Variants in LHFPL3 observed in about 807,000 individuals in gnomAD.
LHFPL3 encodes LHFPL tetraspan subfamily member 3 protein.
A neutral mutation model predicts 19.3 loss-of-function variants in LHFPL3; 5 were observed. The ratio of observed to expected loss-of-function variants is 0.26; its 90% confidence interval spans 0.14 to 0.54. The LOEUF is 0.54. Among genes scored for constraint, LHFPL3 ranks in the 20% least tolerant of loss-of-function variants. LHFPL3 has a pLI of 0.94. For synonymous variants in LHFPL3, 133 were observed against 126.2 expected, an observed-to-expected ratio of 1.05 and a Z score of -0.36; for missense variants, 249 against 307.4, an observed-to-expected ratio of 0.81 and a Z score of 1.42.
chr7:104,528,995 C>G (rs1794242221), intron 1 of LHFPL3, among the ~76,000 whole-genome samples: 1 of 152,150 alleles, frequency 6.6e-6, no homozygotes, highest in African/African-American at 2.4e-5. Flanking sequence ...TCTTCTAGAT[C>G]TCAGTGAAGC....
chr7:104,874,466 C>T (rs1025434379), intron 2 of LHFPL3, among the ~76,000 whole-genome samples: 31 of 149,022 alleles, frequency 2.1e-4, no homozygotes, highest in Non-Finnish European at 4.1e-4. Flanking sequence ...GCAATCTTGG[C>T]TCACTGCAAC....
At chr7:104,844,818 A>T (rs1791282479) in intron 2 of LHFPL3, among the ~76,000 whole-genome samples, 1 of 152,166 alleles carries the variant, frequency 6.6e-6, no homozygotes, top group African/African-American at 2.4e-5. Flanking sequence ...AGCTCATTGC[A>T]ACATTTGCCT....
Position 104,520,420 on chromosome 7 carries a change from T to C in LHFPL3, c.445+191196T>C, listed in dbSNP as rs981738281. ...GGTCTAAAATTCTCTTTTTTTGTTG[T>C]GTCTCTGCCCAGCTTTGGTATCAGG... On this transcript the variant is annotated intron_variant, in intron 1 of 2. Coordinates refer to ENST00000424859, the MANE Select transcript of LHFPL3 (RefSeq NM_199000.3). Among the ~76,000 whole-genome samples the C allele has an allele frequency of 9.5e-5, 14 of 147,222 alleles. No individual in the cohort carries two copies. The East Asian group carries it at 2.3e-3, about 25-fold the overall frequency.
At chr7:104,775,013 C>G (rs1445224317) in intron 2 of LHFPL3, among the ~76,000 whole-genome samples, 1 of 152,182 alleles carries the variant, frequency 6.6e-6, no homozygotes, top group African/African-American at 2.4e-5. Flanking sequence ...TTCAAAGATC[C>G]TGCACCATTG....
chr7:104,464,558 A>C (rs762010974), intron 1 of LHFPL3, among the ~76,000 whole-genome samples: 2 of 152,222 alleles, frequency 1.3e-5, no homozygotes, highest in Non-Finnish European at 2.9e-5. Context: ...TCTGAAATCT[A>C]GGCAGAGATT....
chr7:104,653,111 G>A (rs1199735354), intron 1 of LHFPL3, among the ~76,000 whole-genome samples: 2 of 152,172 alleles, frequency 1.3e-5, no homozygotes, highest in Non-Finnish European at 2.9e-5. Flanking sequence ...GTTGTCCCAG[G>A]GACATGGCCT....
At chr7:104,832,978 C>A (rs1395036071) in intron 2 of LHFPL3, among the ~76,000 whole-genome samples, 3 of 16,574 alleles carry the variant, frequency 1.8e-4, no homozygotes, top group African/African-American at 7.3e-4. Flanking sequence ...ATATATATAT[C>A]CTGGGTTATA....
chr7:104,508,829 T>G (rs1793754054), intron 1 of LHFPL3, among the ~76,000 whole-genome samples: 1 of 115,920 alleles, frequency 8.6e-6, no homozygotes, highest in East Asian at 2.5e-4. Flanking sequence ...AAGAGCTGTG[T>G]TTTTTTTAAA....
intron 1 of LHFPL3, among the ~76,000 whole-genome samples, chr7:104,572,876 A>T (rs1489691841): frequency 3.9e-4 from 60 of 152,240 alleles, no homozygotes; most frequent in Non-Finnish European, 5.9e-5. Flanking sequence ...TGATGCTAAT[A>T]TGTCTTAAAC....
At chr7:104,517,266 A>G (rs1793937760) in intron 1 of LHFPL3, among the ~76,000 whole-genome samples, 1 of 152,148 alleles carries the variant, frequency 6.6e-6, no homozygotes, top group African/African-American at 2.4e-5. Context: ...CTATGCAACA[A>G]ACCTGCACAT....
chr7:104,785,148 AGTGT>A (rs887146027), intron 2 of LHFPL3: 4 of 152,096 alleles, frequency 2.6e-5, no homozygotes, highest in Admixed American at 2.6e-4. Context: ...TTCTTCTAAT[AGTGT>A]GTGTTCCTGT....
chr7:104,815,486 T>C (rs1790545852), intron 2 of LHFPL3, among the ~76,000 whole-genome samples: 1 of 152,228 alleles, frequency 6.6e-6, no homozygotes. Context: ...CTCTTCTGAA[T>C]GTGTGTCTTA....
In LHFPL3 at chr7:104,366,579, C is replaced by T. The variant is rs562797189; in HGVS notation, c.445+37355C>T. Among the ~76,000 whole-genome samples the T allele has an allele frequency of 3.9e-5, 6 of 152,290 alleles. No homozygotes were observed. In the East Asian group the frequency reaches 9.7e-4, roughly 25 times the overall value. On this transcript the variant is annotated intron_variant, in intron 1 of 2. Transcript: ENST00000424859. ...TAGTTTATCTTGCCAAGCACCCCGT[C>T]AAGGGCTTTCCCTTCCTTTCTCTAT...
intron 1 of LHFPL3, among the ~76,000 whole-genome samples, chr7:104,714,920 TATATATACAC>T (rs1793360030): frequency 6.6e-6 from 1 of 152,276 alleles, no homozygotes; most frequent in South Asian, 2.1e-4. Context: ...TCACTCTATA[TATATATACAC>T]ATATATACAT....
At chr7:104,588,084 G>A (rs1167533931) in intron 1 of LHFPL3, among the ~76,000 whole-genome samples, 2 of 152,076 alleles carry the variant, frequency 1.3e-5, no homozygotes, top group African/African-American at 2.4e-5. Context: ...CACTCTGATG[G>A]CACTTTCTTT....
chr7:104,703,993 G>C (rs1302918339), intron 1 of LHFPL3, among the ~76,000 whole-genome samples: 1 of 152,038 alleles, frequency 6.6e-6, no homozygotes, highest in Non-Finnish European at 1.5e-5. Flanking sequence ...TATTTTATTT[G>C]TCTACTCATC....
chr7:104,578,360 G>A (rs971950314), intron 1 of LHFPL3, among the ~76,000 whole-genome samples: 2 of 152,140 alleles, frequency 1.3e-5, no homozygotes, highest in African/African-American at 2.4e-5. Flanking sequence ...TTCCCATCAG[G>A]ATAAACAGAT....
intron 1 of LHFPL3, among the ~76,000 whole-genome samples, chr7:104,382,029 A>G (rs1790838979): frequency 6.6e-6 from 1 of 152,008 alleles, no homozygotes; most frequent in South Asian, 2.1e-4. Flanking sequence ...TGCCCTTAAC[A>G]CTCCATTTTG....
intron 1 of LHFPL3, among the ~76,000 whole-genome samples, chr7:104,385,841 A>T (rs1790930857): frequency 6.6e-6 from 1 of 152,168 alleles, no homozygotes; most frequent in African/African-American, 2.4e-5. Flanking sequence ...ATGTTTTTAA[A>T]TACTTATTTT....
Sources: gnomAD v4.1 joint callset for allele counts (sites outside exome capture counted in the v4.1 genomes callset) on GRCh38, gnomAD v4.1.1 for gene constraint, MANE v1.5 for transcripts, NCBI Gene and HGNC (gene_info 2026-07-23, HGNC 2026-07-21) for gene names.